The following KCNK2 variants were observed in gnomAD, a reference collection of about 807,000 sequenced individuals.
The protein encoded by KCNK2 is potassium channel subfamily K member 2.
KCNK2 carries 21 observed loss-of-function variants against 40.5 expected under a neutral mutation model. The ratio of observed to expected loss-of-function variants is 0.52; its 90% confidence interval spans 0.37 to 0.75. The LOEUF (loss-of-function observed/expected upper bound fraction) is 0.75. Among genes scored for constraint, KCNK2 ranks in the 30% least tolerant of loss-of-function variants. The probability of loss-of-function intolerance (pLI) is 0.00; values close to 1 mark genes in which losing one functional copy is unlikely to be tolerated. For synonymous variants in KCNK2, 191 were observed against 202.2 expected, an observed-to-expected ratio of 0.94 and a Z score of 0.47; for missense variants, 399 against 531.6, an observed-to-expected ratio of 0.75 and a Z score of 2.45.
At chr1:215,228,225 G>A (rs1449223112) in intron 6 of KCNK2, among the ~76,000 whole-genome samples, 1 of 152,148 alleles carries the variant, frequency 6.6e-6, no homozygotes, top group Non-Finnish European at 1.5e-5. Flanking sequence ...GGAAAATGAA[G>A]CTACAAAGAT....
chr1:215,090,460 G>T (rs1364751577), intron 2 of KCNK2, among the ~76,000 whole-genome samples: 5 of 152,086 alleles, frequency 3.3e-5, no homozygotes, highest in Non-Finnish European at 5.9e-5. Context: ...AAGGTATAAT[G>T]AATATTATAG....
chr1:215,118,071 T>C (rs1428906619), intron 2 of KCNK2, among the ~76,000 whole-genome samples: 1 of 152,168 alleles, frequency 6.6e-6, no homozygotes, highest in African/African-American at 2.4e-5. Flanking sequence ...GTTTCAAACC[T>C]GCCAGTCAAG....
At chr1:215,066,484 G>A (rs942860630) in intron 1 of KCNK2, among the ~76,000 whole-genome samples, 2 of 151,784 alleles carry the variant, frequency 1.3e-5, no homozygotes, top group Non-Finnish European at 1.5e-5. Flanking sequence ...AAAAATTAAA[G>A]AAATTTCAAA....
chr1:215,060,339 G>A (rs950816087), intron 1 of KCNK2, among the ~76,000 whole-genome samples: 2 of 152,148 alleles, frequency 1.3e-5, no homozygotes, highest in African/African-American at 4.8e-5. Context: ...AATGCACAAC[G>A]AAGGCGTGGC....
intron 6 of KCNK2, among the ~76,000 whole-genome samples, chr1:215,230,711 TG>T (rs1666625885): frequency 1.3e-5 from 2 of 151,554 alleles, no homozygotes; most frequent in South Asian, 4.2e-4. Flanking sequence ...TGCATGGCTG[TG>T]GGCACACAGA....
intron 3 of KCNK2, among the ~76,000 whole-genome samples, chr1:215,140,099 T>A (rs1323862399): frequency 6.6e-6 from 1 of 152,172 alleles, no homozygotes; most frequent in Admixed American, 6.5e-5. Context: ...TTCATTGACT[T>A]ATTAGGCTTC....
At chr1:215,209,408 CAT>C (rs1491103387) in intron 6 of KCNK2, among the ~76,000 whole-genome samples, 1 of 14,490 alleles carries the variant, frequency 6.9e-5, no homozygotes, top group East Asian at 2.3e-3. Context: ...ATAAAATATG[CAT>C]ATATTATATA....
chr1:215,113,556 G>C (rs779475100), intron 2 of KCNK2, among the ~76,000 whole-genome samples: 2 of 152,076 alleles, frequency 1.3e-5, no homozygotes, highest in Non-Finnish European at 2.9e-5. Flanking sequence ...CAAATAGTTA[G>C]CTTAAAGAGA....
At chr1:215,044,462 G>T (rs1657672821) in intron 1 of KCNK2, among the ~76,000 whole-genome samples, 1 of 151,904 alleles carries the variant, frequency 6.6e-6, no homozygotes, top group Admixed American at 6.6e-5. Context: ...GTCAGCACCT[G>T]GATTTGCATG....
At chr1:215,211,758 G>A (rs1336993138) in intron 6 of KCNK2, among the ~76,000 whole-genome samples, 1 of 152,070 alleles carries the variant, frequency 6.6e-6, no homozygotes, top group African/African-American at 2.4e-5. Context: ...TAATAATGTA[G>A]AGATTTTGTT....
At chr1:215,028,986 G>A (rs1412156302) in intron 1 of KCNK2, among the ~76,000 whole-genome samples, 1 of 149,096 alleles carries the variant, frequency 6.7e-6, no homozygotes, top group Non-Finnish European at 1.5e-5. Flanking sequence ...TTTTAGAAGA[G>A]TTTTAAGTTC....
At chr1:215,044,971 C>A (rs1274510905) in intron 1 of KCNK2, among the ~76,000 whole-genome samples, 1 of 151,796 alleles carries the variant, frequency 6.6e-6, no homozygotes, top group Non-Finnish European at 1.5e-5. Flanking sequence ...GAGATCGAGA[C>A]CATCCTGGCT....
At position 215,235,295 on chromosome 1, in the gene KCNK2, A is replaced by AATT. The variant is rs1397108945; in HGVS notation, c.*151_*153dup. On this transcript the variant is annotated 3_prime_UTR_variant, in exon 7 of 7. Coordinates refer to ENST00000444842, the MANE Select transcript of KCNK2 (RefSeq NM_001017425.3). ...CATCATGGTCATCTATCATCAAGAG[A>AATT]ATTTGGAATTCTGAGCCAGCACTTT... 6.5e-6 allele frequency: 4 copies of AATT among 616,234 alleles called. No individual in the cohort carries two copies. Among genetic ancestry groups the AATT allele is most frequent in the Non-Finnish European group, 1.1e-5 (4 of 368,400 alleles). 38.2% of individuals were successfully genotyped at this position (616,234 alleles called of 1,614,324 possible).
chr1:215,192,997 C>T (rs932066810), intron 5 of KCNK2, among the ~76,000 whole-genome samples: 1 of 151,928 alleles, frequency 6.6e-6, no homozygotes, highest in African/African-American at 2.4e-5. Flanking sequence ...TAATGTTATA[C>T]TCAGTATTTT....
chr1:215,110,032 CTATT>C (rs1188793308), intron 2 of KCNK2, among the ~76,000 whole-genome samples: 1 of 151,950 alleles, frequency 6.6e-6, no homozygotes, highest in African/African-American at 2.4e-5. Flanking sequence ...TGAGAAATGT[CTATT>C]TATGTCTTTT....
At chr1:215,025,859 A>G (rs1042689725) in intron 1 of KCNK2, among the ~76,000 whole-genome samples, 1 of 152,078 alleles carries the variant, frequency 6.6e-6, no homozygotes, top group African/African-American at 2.4e-5. Flanking sequence ...ATTTCTATGG[A>G]ATATATACGA....
intron 1 of KCNK2, among the ~76,000 whole-genome samples, chr1:215,075,283 A>G (rs1188686765): frequency 6.6e-6 from 1 of 152,212 alleles, no homozygotes; most frequent in East Asian, 1.9e-4. Flanking sequence ...GTTGAATGTC[A>G]TATATTTTAG....
chr1:215,219,127 A>C (rs1666071617), intron 6 of KCNK2, among the ~76,000 whole-genome samples: 1 of 152,218 alleles, frequency 6.6e-6, no homozygotes, highest in South Asian at 2.1e-4. Flanking sequence ...AGAGACACAT[A>C]GATCTGGATG....
At chr1:215,103,580 A>G (rs753090874) in intron 2 of KCNK2, among the ~76,000 whole-genome samples, 27 of 152,184 alleles carry the variant, frequency 1.8e-4, no homozygotes, top group Non-Finnish European at 3.4e-4. Flanking sequence ...GTTTTATCAG[A>G]CAATGACATT....
Sources: gnomAD v4.1 joint callset for allele counts (sites outside exome capture counted in the v4.1 genomes callset) on GRCh38, gnomAD v4.1.1 for gene constraint, MANE v1.5 for transcripts, NCBI Gene and HGNC (gene_info 2026-07-23, HGNC 2026-07-21) for gene names.